The following SLC25A41 variants were observed in gnomAD, a reference collection of about 807,000 sequenced individuals.
SLC25A41 encodes the protein mitochondrial carrier protein SCaMC-3L.
In SLC25A41, 35 loss-of-function variants were observed where a neutral mutation model predicts 34.7. The ratio of observed to expected loss-of-function variants is 1.01; its 90% CI spans 0.77 to 1.34. SLC25A41 has a LOEUF of 1.34. Ranked by LOEUF, SLC25A41 falls within the 40% of genes most tolerant of loss-of-function variation. SLC25A41 has a pLI of 0.00. For synonymous variants in SLC25A41, 190 were observed against 209.9 expected (o/e 0.91, Z 0.82); for missense variants, 492 against 489.8 (o/e 1.00, Z -0.04).
At chr19:6,431,443 TTTTC>T (rs1248092395) in intron 2 of SLC25A41, among the ~76,000 whole-genome samples, 3 of 150,986 alleles carry the variant, frequency 2.0e-5, no homozygotes, top group Non-Finnish European at 4.4e-5. Flanking sequence ...CCTTTTTTTT[TTTTC>T]TTTCTTTTTT....
At chr19:6,428,852 T>G (rs1306909281) in intron 4 of SLC25A41, among the ~76,000 whole-genome samples, 1 of 143,730 alleles carries the variant, frequency 7.0e-6, no homozygotes, top group African/African-American at 2.5e-5. Flanking sequence ...TAGCTGGGAC[T>G]ACAGGCATGC....
chr19:6,429,135 T>TATATATAATATATATGTTAC (rs2092265366), intron 4 of SLC25A41, among the ~76,000 whole-genome samples: 1 of 23,892 alleles, frequency 4.2e-5, no homozygotes, highest in African/African-American at 1.8e-4. Flanking sequence ...ATATGTTATA[T>TATATATAATATATATGTTAC]ATATATATAA....
At chr19:6,426,726 G>A (rs548352087) in intron 6 of SLC25A41, among the ~76,000 whole-genome samples, 165 bp from the exon 7 acceptor site, 1 of 152,286 alleles carries the variant, frequency 6.6e-6, no homozygotes, top group Non-Finnish European at 1.5e-5. Flanking sequence ...GAGGAGGAGT[G>A]GGGGAGTTTC....
chr19:6,431,165 A>C (rs1487492706), intron 2 of SLC25A41, among the ~76,000 whole-genome samples: 1 of 151,552 alleles, frequency 6.6e-6, no homozygotes, highest in Non-Finnish European at 1.5e-5. Context: ...TTTTGTAGAG[A>C]TGTGGTCTGA....
chr19:6,426,987 TG>T, intron 6 of SLC25A41, 115 bp downstream of exon 6: 1 of 1,162,190 alleles, frequency 8.6e-7, no homozygotes, highest in Non-Finnish European at 1.2e-6. Context: ...TTATCAAAAG[TG>T]GGCTGGGATC....
upstream of SLC25A41, chr19:6,433,814 C>T (rs140257036): frequency 2.5e-4 from 207 of 829,324 alleles, 1 homozygote; most frequent in East Asian, 4.3e-3. Flanking sequence ...AAGTCACAAA[C>T]GCCCCTGTGA....
At chr19:6,429,331 GTAA>G (rs2092269853) in intron 4 of SLC25A41, among the ~76,000 whole-genome samples, 3 of 55,008 alleles carry the variant, frequency 5.5e-5, no homozygotes, top group African/African-American at 5.0e-5. Flanking sequence ...GGAGAAAGAG[GTAA>G]AGGGGGAAGA....
At chr19:6,430,527 G>A (rs1199730264) in intron 2 of SLC25A41, 11 of 372,012 alleles carry the variant, frequency 3.0e-5, no homozygotes, top group East Asian at 9.6e-5. Context: ...TCACTCTGTC[G>A]CCCAGGCTGG....
In SLC25A41 at chr19:6,426,307, G is replaced by A; in HGVS notation, c.*82C>T. On this transcript the variant is annotated 3_prime_UTR_variant, in exon 7 of 7. Coordinates refer to ENST00000321510, the MANE Select transcript of SLC25A41 (RefSeq NM_173637.4). ...AACTGCCCCAGGGCCTGAACCTTGA[G>A]GCCTCGAGGGCTCTTTGGGGCCAGG... is the stretch of plus-strand genomic sequence containing the variant. 5.8e-6 allele frequency: 8 copies of A among 1,384,604 alleles called. No homozygotes were observed. Among genetic ancestry groups the A allele is most frequent in the Non-Finnish European group, 7.7e-6 (8 of 1,032,384 alleles). 85.8% of individuals were successfully genotyped at this position (1,384,604 alleles called of 1,614,324 possible). A position where few individuals can be genotyped will look rare whatever the true frequency, so the allele number is the denominator to read the frequency against.
At chr19:6,432,473 A>AT (rs34519561) in intron 1 of SLC25A41, among the ~76,000 whole-genome samples, 1,006 of 80,990 alleles carry the variant, frequency 0.012, 37 homozygotes, top group Middle Eastern at 0.052. Context: ...ACAACACCTA[A>AT]TTTTTTTTTT....
At chr19:6,426,623 G>C in intron 6 of SLC25A41, 62 bp from the exon 7 acceptor site, 1 of 1,571,132 alleles carries the variant, frequency 6.4e-7, no homozygotes, top group Non-Finnish European at 8.7e-7. Context: ...TAGGAGTCTG[G>C]AATGTTGCGG....
rs2092245609 is a variant in SLC25A41, at chr19:6,427,127, C to T, written c.916G>A (p.Val306Met). 3.7e-6 allele frequency: 6 copies of T among 1,607,250 alleles called. No individual in the cohort carries two copies. Among genetic ancestry groups the T allele is most frequent in the Non-Finnish European group, 5.1e-6 (6 of 1,177,544 alleles). Residue 306 changes from valine (V) to methionine (M), a missense_variant, in exon 6 of 7, where the codon GTG (valine) becomes ATG (methionine). Transcript: ENST00000321510. This position sits in a 1 kb window ranked among gnomAD's most constrained non-coding sequence, Gnocchi z 4.9. ...GQMASYPLTL[V>M]RTRMQAQDTV... ...CCTTGGGCCTGCATCCTGGTGCGCA[C>T]CAGAGTCAGTGGGTAGCTGGCCATC... is the stretch of plus-strand genomic sequence containing the variant.
intron 4 of SLC25A41, among the ~76,000 whole-genome samples, chr19:6,428,568 TAC>T (rs1055909722): frequency 7.4e-5 from 11 of 147,700 alleles, no homozygotes; most frequent in African/African-American, 2.7e-4. Flanking sequence ...ATTTTTATAT[TAC>T]ATAGTATATA....
chr19:6,435,106 C>T (rs904254321), upstream of SLC25A41, among the ~76,000 whole-genome samples: 2 of 151,532 alleles, frequency 1.3e-5, no homozygotes, highest in Admixed American at 1.3e-4. Flanking sequence ...TGCCTGTGGT[C>T]CCAGCTACAC....
At chr19:6,429,507 G>GAAA (rs2092273778) in intron 4 of SLC25A41, among the ~76,000 whole-genome samples, 3 of 118,670 alleles carry the variant, frequency 2.5e-5, no homozygotes, top group African/African-American at 3.1e-5. Context: ...GAAAGGAGGA[G>GAAA]GAGGAGAGGA....
At chr19:6,426,629 T>TG (rs2092242977) in intron 6 of SLC25A41, 68 bp from the exon 7 acceptor site, 2 of 1,556,734 alleles carry the variant, frequency 1.3e-6, no homozygotes, top group Admixed American at 3.5e-5. Flanking sequence ...TCTGGAATGT[T>TG]GCGGACAGGT....
Position 6,426,433 on chromosome 19 carries a change from T to C in SLC25A41, c.1069A>G (p.Ser357Gly). ...LLKVLPAGGI[S>G]YVVYEAMKKT... ...TTCATGGCTTCGTACACCACATAGC[T>C]GATGCCACCTGCTGGTAAGACCTTC... The change falls in exon 7 of 7, where the codon AGC becomes GGC. Residue 357 changes from serine to glycine, a missense_variant. By Grantham distance (56) the Ser-to-Gly change is moderately conservative. Coordinates refer to ENST00000321510, the MANE Select transcript of SLC25A41 (RefSeq NM_173637.4). 1.2e-6 allele frequency: 2 copies of C among 1,613,842 alleles called. No individual in the cohort carries two copies.
At chr19:6,433,455 G>T (rs1321097622) in intron 1 of SLC25A41, 32 bp downstream of exon 1, 2 of 1,605,300 alleles carry the variant, frequency 1.2e-6, no homozygotes, top group South Asian at 1.1e-5. Context: ...CCTGACCAGA[G>T]GTGCCGGGAC....
intron 4 of SLC25A41, among the ~76,000 whole-genome samples, chr19:6,429,495 G>GAGAAAGGAGGAGGGAAGGAGGAGGA (rs1449095970): frequency 8.5e-6 from 1 of 118,336 alleles, no homozygotes; most frequent in East Asian, 2.9e-4. Flanking sequence ...GAGGAGGAGG[G>GAGAAAGGAGGAGGGAAGGAGGAGGA]AGAAAGGAGG....
Sources: gnomAD v4.1 joint callset for allele counts (sites outside exome capture counted in the v4.1 genomes callset) on GRCh38, gnomAD v4.1.1 for gene constraint, Gnocchi (gnomAD v3.1) non-coding constraint, MANE v1.5 for transcripts, NCBI Gene and HGNC (gene_info 2026-07-23, HGNC 2026-07-21) for gene names.